The following GRID2 variants were observed in gnomAD, a reference collection of about 807,000 sequenced individuals.
The protein encoded by GRID2 is glutamate ionotropic receptor delta type subunit 2.
A neutral mutation model predicts 114.8 loss-of-function variants in GRID2; 33 were observed. The ratio of observed to expected loss-of-function variants is 0.29; its 90% CI spans 0.22 to 0.38. The LOEUF (loss-of-function observed/expected upper bound fraction) is 0.38, where lower values mean the gene tolerates loss of function less well. Among genes scored for constraint, GRID2 ranks in the 10% least tolerant of loss-of-function variants. GRID2 has a pLI of 1.00. For missense variants in GRID2, 1,184 were observed against 1,257.7 expected, an observed-to-expected ratio of 0.94 and a Z score of 0.89; for synonymous variants, 505 against 449.9, an observed-to-expected ratio of 1.12 and a Z score of -1.55.
chr4:92,640,298 T>G (rs1731282153), intron 2 of GRID2, among the ~76,000 whole-genome samples: 1 of 151,848 alleles, frequency 6.6e-6, no homozygotes, highest in African/African-American at 2.4e-5. Context: ...CTCTAAGAAT[T>G]CCTGTTTTAA....
intron 2 of GRID2, among the ~76,000 whole-genome samples, chr4:92,617,700 A>C (rs908268205): frequency 6.6e-6 from 1 of 151,690 alleles, no homozygotes; most frequent in Admixed American, 6.6e-5. Context: ...AATAGCCATT[A>C]AAACTACAGT....
intron 14 of GRID2, among the ~76,000 whole-genome samples, chr4:93,651,744 A>G (rs1722597884): frequency 2.0e-5 from 3 of 152,210 alleles, no homozygotes; most frequent in Admixed American, 1.3e-4. Flanking sequence ...GAAAAGAGAT[A>G]GAAAAATATA....
intron 8 of GRID2, among the ~76,000 whole-genome samples, chr4:93,329,619 C>G (rs149178405): frequency 1.4e-4 from 22 of 152,114 alleles, no homozygotes; most frequent in Admixed American, 1.4e-3. Flanking sequence ...CAAAGGATGG[C>G]AAATTTGTGA....
chr4:92,616,767 G>C, intron 2 of GRID2, among the ~76,000 whole-genome samples: 1 of 151,576 alleles, frequency 6.6e-6, no homozygotes. Context: ...GGAGTATTTA[G>C]ATAATATATT....
At chr4:93,181,212 G>A (rs952913466) in intron 4 of GRID2, among the ~76,000 whole-genome samples, 1 of 152,128 alleles carries the variant, frequency 6.6e-6, no homozygotes, top group South Asian at 2.1e-4. Flanking sequence ...CTCCATCAGA[G>A]CTCTGGGGTG....
chr4:92,885,084 A>T (rs539688881), intron 2 of GRID2: 311 of 318,000 alleles, frequency 9.8e-4, no homozygotes, highest in Middle Eastern at 5.8e-3. Flanking sequence ...AAATAAATTT[A>T]TTGAAATAAA....
chr4:92,912,460 T>G (rs1748461279), intron 2 of GRID2, among the ~76,000 whole-genome samples: 1 of 151,350 alleles, frequency 6.6e-6, no homozygotes, highest in Non-Finnish European at 1.5e-5. Context: ...GTTATGCATT[T>G]TAGTTACACA....
intron 8 of GRID2, among the ~76,000 whole-genome samples, chr4:93,325,847 G>T (rs1757775959): frequency 6.6e-6 from 1 of 151,994 alleles, no homozygotes; most frequent in South Asian, 2.1e-4. Flanking sequence ...TCATTGATTT[G>T]ATTGTTTCTT....
chr4:92,674,757 G>A (rs779154056), intron 2 of GRID2, among the ~76,000 whole-genome samples: 2 of 151,988 alleles, frequency 1.3e-5, no homozygotes, highest in Admixed American at 6.6e-5. Context: ...TCTTGACCTC[G>A]TGATCCACCC....
chr4:93,382,383 T>G (rs534045323), intron 8 of GRID2, among the ~76,000 whole-genome samples: 15 of 152,092 alleles, frequency 9.9e-5, no homozygotes, highest in Non-Finnish European at 1.2e-4. Context: ...CACTTGATGG[T>G]GTACCAATGG....
Position 93,314,042 on chromosome 4 carries a change from C to T in GRID2, c.1245+75552C>T, listed in dbSNP as rs541544805. ...GACATTGGCCAGGCACAATGGCTCA[C>T]GCCTGTAATCCCAGCAATTTGGGAG... is the stretch of plus-strand genomic sequence containing the variant. On this transcript the variant is annotated intron_variant, in intron 8 of 15. Transcript: ENST00000282020. Among the ~76,000 whole-genome samples, 496 of 152,180 alleles carry T rather than the reference C, an allele frequency of 3.3e-3. 3 individuals carry two copies. The highest frequency in any genetic ancestry group is 0.011 in the African/African-American group (460 of 41,522).
intron 3 of GRID2, among the ~76,000 whole-genome samples, chr4:93,089,259 A>G (rs1416837219): frequency 1.3e-5 from 2 of 152,208 alleles, no homozygotes; most frequent in South Asian, 2.1e-4. Flanking sequence ...TAAATTACAT[A>G]GAATCATTTT....
In GRID2 at chr4:93,646,369, G is replaced by A. The variant is rs79502672; in HGVS notation, c.2360+19934G>A. On this transcript the variant is annotated intron_variant, in intron 14 of 15. Transcript: ENST00000282020. ...TGCATAAGAAGCAACAGATATAAAA[G>A]CCCTGCATTGGGAACCAGCTGGGAG... Among the ~76,000 whole-genome samples the A allele has an allele frequency of 3.2e-3, 480 of 152,182 alleles. 1 individual carries two copies. The highest frequency in any genetic ancestry group is 0.011 in the African/African-American group (442 of 41,510).
chr4:92,371,911 C>G (rs545598610), intron 1 of GRID2, among the ~76,000 whole-genome samples: 2 of 152,160 alleles, frequency 1.3e-5, no homozygotes, highest in East Asian at 3.9e-4. Flanking sequence ...GGGAGAAGAT[C>G]AAAATATCCA....
intron 12 of GRID2, among the ~76,000 whole-genome samples, chr4:93,496,359 T>A (rs1192760498): frequency 2.0e-5 from 3 of 151,760 alleles, no homozygotes; most frequent in African/African-American, 7.2e-5. Flanking sequence ...GCATATTAAG[T>A]GATTATACTA....
intron 14 of GRID2, among the ~76,000 whole-genome samples, chr4:93,657,724 T>G (rs1723143822): frequency 6.6e-6 from 1 of 152,216 alleles, no homozygotes; most frequent in Admixed American, 6.5e-5. Flanking sequence ...ACTAGTTCTA[T>G]TTGTTCGTTT....
intron 13 of GRID2, among the ~76,000 whole-genome samples, chr4:93,598,618 A>T (rs1368049465): frequency 6.6e-6 from 1 of 152,228 alleles, no homozygotes; most frequent in African/African-American, 2.4e-5. Context: ...GAAGATTTCC[A>T]TATGAGCAAG....
chr4:93,599,699 A>T (rs1739474840), intron 13 of GRID2, among the ~76,000 whole-genome samples: 1 of 152,192 alleles, frequency 6.6e-6, no homozygotes. Context: ...CAGAACCTGA[A>T]AGAGATATGA....
At chr4:92,478,652 C>A (rs1327606004) in intron 1 of GRID2, among the ~76,000 whole-genome samples, 3 of 152,074 alleles carry the variant, frequency 2.0e-5, no homozygotes, top group African/African-American at 7.2e-5. Flanking sequence ...GTTTTGATCA[C>A]CATGCTGTGA....
Sources: gnomAD v4.1 joint callset for allele counts (sites outside exome capture counted in the v4.1 genomes callset) on GRCh38, gnomAD v4.1.1 for gene constraint, MANE v1.5 for transcripts, NCBI Gene and HGNC (gene_info 2026-07-23, HGNC 2026-07-21) for gene names.